Variants in GRIK5 observed in about 807,000 individuals in gnomAD.
GRIK5 encodes glutamate receptor ionotropic, kainate 5.
In GRIK5, 43 loss-of-function variants were observed where a neutral mutation model predicts 97.4. That is an observed-to-expected ratio of 0.44 (90% CI 0.35 to 0.57). The LOEUF (loss-of-function observed/expected upper bound fraction) is 0.57. Among genes scored for constraint, GRIK5 ranks in the 20% least tolerant of loss-of-function variants. The pLI, the probability that GRIK5 is intolerant of heterozygous loss-of-function variation, is 0.01. For missense variants in GRIK5, 1,015 were observed against 1,382.0 expected (o/e 0.73, Z 4.21); for synonymous variants, 580 against 583.5 (o/e 0.99, Z 0.09).
At chr19:42,055,118 A>G (rs1331944120) in intron 8 of GRIK5, among the ~76,000 whole-genome samples, 4 of 152,226 alleles carry the variant, frequency 2.6e-5, no homozygotes, top group Non-Finnish European at 5.9e-5. Context: ...ACGCCTGTAA[A>G]GCACTCAGAA....
rs1317903193 is a variant in GRIK5 at position 41,999,199 on chromosome 19, C to T, written c.2615G>A (p.Arg872Gln). Residue 872 changes from arginine to glutamine, a missense_variant, in exon 20 of 20, where the codon CGG (arginine) becomes CAG (glutamine). This residue lies in a region of GRIK5 where 229 missense variants were observed against 341.0 expected (regional missense o/e 0.67). Coordinates refer to ENST00000593562, the MANE Select transcript of GRIK5 (RefSeq NM_002088.5). The surrounding 1 kb of genome is among the most constrained non-coding windows in gnomAD (Gnocchi z 5.0). ...GACCGCGCGCAGTGACAGCAGGGCC[C>T]GGCTCGGGCCGCCCGGGCGTCGGCG... is the stretch of plus-strand genomic sequence containing the variant. The part of the protein sequence containing the change: ...RRRRRPGGPS[R>Q]ALLSLRAVRE... 3 of 1,517,166 alleles carry T rather than the reference C, an allele frequency of 2.0e-6. No individual in the cohort carries two copies. Among genetic ancestry groups the T allele is most frequent in the African/African-American group, 1.4e-5 (1 of 69,796 alleles). 94.0% of individuals were successfully genotyped at this position (1,517,166 alleles called of 1,614,324 possible). A position where few individuals can be genotyped will look rare whatever the true frequency, so the allele number is the denominator to read the frequency against.
intron 15 of GRIK5, among the ~76,000 whole-genome samples, chr19:42,013,478 C>T (rs2075589446): frequency 1.5e-5 from 2 of 136,788 alleles, no homozygotes; most frequent in South Asian, 4.5e-4. Context: ...GGGGCGATCT[C>T]GGCTCACTGC....
intron 12 of GRIK5, among the ~76,000 whole-genome samples, chr19:42,038,277 G>A (rs1599800163): frequency 6.6e-6 from 1 of 152,154 alleles, no homozygotes; most frequent in South Asian, 2.1e-4. Flanking sequence ...GCCACTGGGT[G>A]GAAAAAATGG....
chr19:42,042,292 TG>T lies in GRIK5; in HGVS notation c.1473+259del, dbSNP rs1166246201. On this transcript the variant is annotated intron_variant, in intron 12 of 19. Coordinates refer to ENST00000593562, the MANE Select transcript of GRIK5 (RefSeq NM_002088.5). The surrounding 1 kb of genome is among the most constrained non-coding windows in gnomAD (Gnocchi z 6.9). ...TCTTTGCACACCGACTAATCCAAGG[TG>T]GCATGAAAGGGGCATTTGGCAAAGC... is the stretch of plus-strand genomic sequence containing the variant. Among the ~76,000 whole-genome samples, 1 of 152,174 alleles carries T rather than the reference TG, an allele frequency of 6.6e-6. No individual in the cohort carries two copies. Among genetic ancestry groups the T allele is most frequent in the East Asian group, 1.9e-4 (1 of 5,188 alleles).
intron 15 of GRIK5, among the ~76,000 whole-genome samples, chr19:42,012,650 T>C (rs1425402918): frequency 6.6e-6 from 1 of 151,834 alleles, no homozygotes; most frequent in East Asian, 1.9e-4. Context: ...CCAAGGTGGG[T>C]GGATCGCTTG....
intron 15 of GRIK5, among the ~76,000 whole-genome samples, chr19:42,019,369 C>A (rs903089423): frequency 6.6e-6 from 1 of 152,174 alleles, no homozygotes; most frequent in Non-Finnish European, 1.5e-5. Context: ...CTCTGACTGC[C>A]CCCATGCTCT....
chr19:42,005,708 C>T lies in GRIK5; in HGVS notation c.2263+15G>A, dbSNP rs202028247. ...CCCACGGCCCTGCTGTGTTCCACAC[C>T]GTGCTGTGCCGTACCCAGCGGCATG... On this transcript the variant is annotated intron_variant, in intron 17 of 19. Coordinates refer to ENST00000593562, the MANE Select transcript of GRIK5 (RefSeq NM_002088.5). 3.8e-4 allele frequency: 594 copies of T among 1,574,862 alleles called. 3 individuals are homozygous for T. In the African/African-American group the frequency reaches 7.2e-3, roughly 19 times the overall value.
At chr19:42,028,006 A>AT (rs2075792766) in intron 12 of GRIK5, among the ~76,000 whole-genome samples, 1 of 151,640 alleles carries the variant, frequency 6.6e-6, no homozygotes, top group African/African-American at 2.4e-5. Flanking sequence ...TAATTTTTTC[A>AT]TTTTTTGTAG....
intron 15 of GRIK5, among the ~76,000 whole-genome samples, chr19:42,012,872 A>G (rs1568887133): frequency 6.6e-6 from 1 of 152,058 alleles, no homozygotes; most frequent in Non-Finnish European, 1.5e-5. Context: ...GCCTCAAAAA[A>G]AAAAAAAAGG....
At position 42,006,068 on chromosome 19, in the gene GRIK5, G is replaced by C; in HGVS notation, c.2038-120C>G. 1 of 660,668 alleles carries C rather than the reference G, an allele frequency of 1.5e-6. No individual in the cohort carries two copies. Among genetic ancestry groups the C allele is most frequent in the East Asian group, 2.7e-5 (1 of 36,720 alleles). The allele number at this position is 660,668 out of a possible 1,614,324, so 40.9% of individuals were successfully genotyped here. ...CCAGGAGAATGCAAGGTGATCAAAG[G>C]AAGACAGAGCCAAAGGTAGAGGAGA... is the stretch of plus-strand genomic sequence containing the variant. On this transcript the variant is annotated intron_variant, in intron 16 of 19. Coordinates refer to ENST00000593562, the MANE Select transcript of GRIK5 (RefSeq NM_002088.5). The surrounding 1 kb of genome is among the most constrained non-coding windows in gnomAD (Gnocchi z 5.3).
chr19:42,028,128 T>C (rs2146070685), intron 12 of GRIK5, among the ~76,000 whole-genome samples: 1 of 152,272 alleles, frequency 6.6e-6, no homozygotes, highest in Non-Finnish European at 1.5e-5. Context: ...CCACCATGCA[T>C]GGTAAAAGAC....
Position 42,002,784 on chromosome 19 carries a change from G to A in GRIK5, c.2514+548C>T, listed in dbSNP as rs1008118621. ...TCTGGTTCCCTCTGTCACCCAGGCT[G>A]GAGTGCAGTGGTGCAATCTCAGCTT... On this transcript the variant is annotated intron_variant, in intron 19 of 19. Transcript: ENST00000593562. The surrounding 1 kb of genome is among the most constrained non-coding windows in gnomAD (Gnocchi z 5.2). Among the ~76,000 whole-genome samples the A allele has an allele frequency of 5.7e-4, 86 of 152,150 alleles. No individual in the cohort carries two copies. The highest frequency in any genetic ancestry group is 2.0e-3 in the African/African-American group (83 of 41,430).
intron 11 of GRIK5, among the ~76,000 whole-genome samples, chr19:42,046,341 C>T (rs1270046957): frequency 6.6e-6 from 1 of 152,146 alleles, no homozygotes; most frequent in Non-Finnish European, 1.5e-5. Flanking sequence ...TAGGACTCAA[C>T]TTAGAGTCAC....
At chr19:42,053,797 G>A in intron 10 of GRIK5, 28 bp downstream of exon 10, 1 of 1,570,952 alleles carries the variant, frequency 6.4e-7, no homozygotes, top group Non-Finnish European at 8.8e-7. Flanking sequence ...CCCCAGCAGG[G>A]CTCTGGCGTC....
rs764169683 is a variant in GRIK5 at position 42,065,718 on chromosome 19, C to A, written c.53G>T (p.Cys18Phe). ...LLIVAFASPS[C>F]QVLSSLRMAA... Reference sequence around the variant, plus strand: ...CATGCGCAGTGATGAGAGCACCTGGCAGCTGGGGCTGGCGAAGGCAACAAT... The same window carrying A: ...CATGCGCAGTGATGAGAGCACCTGGAAGCTGGGGCTGGCGAAGGCAACAAT... Residue 18 changes from cysteine (C) to phenylalanine (F), a missense_variant, in exon 2 of 20, where the codon TGC (cysteine) becomes TTC (phenylalanine). Coordinates refer to ENST00000593562, the MANE Select transcript of GRIK5 (RefSeq NM_002088.5). This position sits in a 1 kb window ranked among gnomAD's most constrained non-coding sequence, Gnocchi z 5.8. 6.3e-7 allele frequency: 1 copy of A among 1,596,626 alleles called. No individual in the cohort carries two copies. Among genetic ancestry groups the A allele is most frequent in the South Asian group, 1.1e-5 (1 of 88,110 alleles).
chr19:42,013,646 G>A (rs938742583), intron 15 of GRIK5, among the ~76,000 whole-genome samples: 75 of 152,050 alleles, frequency 4.9e-4, no homozygotes, highest in Admixed American at 4.8e-3. Flanking sequence ...CTCTGACCTC[G>A]TGATCCGCCC....
intron 3 of GRIK5, chr19:42,063,601 G>C: frequency 3.3e-6 from 1 of 307,648 alleles, no homozygotes; most frequent in Non-Finnish European, 6.4e-6. Context: ...AATTATCACT[G>C]GGTTTGCTAA....
rs782275169 is a variant in GRIK5 at position 42,003,530 on chromosome 19, G to A, written c.2392+25C>T. 1.2e-6 allele frequency: 2 copies of A among 1,606,428 alleles called. No individual in the cohort carries two copies. The highest frequency in any genetic ancestry group is 8.5e-7 in the Non-Finnish European group (1 of 1,175,042). On this transcript the variant is annotated intron_variant, in intron 18 of 19. Transcript: ENST00000593562. The surrounding 1 kb of genome is among the most constrained non-coding windows in gnomAD (Gnocchi z 4.2). The stretch of plus-strand genomic sequence containing the variant: ...GGGGGCTGGGAGGGGGCTATGGGAA[G>A]GGGACACCATACGCGGGAACTGACC...
chr19:42,062,665 G>A lies in GRIK5; in HGVS notation c.343-12C>T. 1 of 1,613,936 alleles carries A rather than the reference G, an allele frequency of 6.2e-7. No homozygotes were observed. Among genetic ancestry groups the A allele is most frequent in the Non-Finnish European group, 8.5e-7 (1 of 1,179,844 alleles). ...TTGATGTGGGGGATCTGGACAGAGA[G>A]GAAACTTTGGCCTCCATCCTGCTTC... On this transcript the variant is annotated splice_polypyrimidine_tract_variant and intron_variant, in intron 4 of 19. Transcript: ENST00000593562. This position sits in a 1 kb window ranked among gnomAD's most constrained non-coding sequence, Gnocchi z 5.3.
Sources: allele counts gnomAD v4.1 joint callset (sites outside exome capture counted in the v4.1 genomes callset), GRCh38; gene constraint gnomAD v4.1.1; regional missense constraint gnomAD v4.1.1; non-coding constraint Gnocchi (gnomAD v3.1); transcripts MANE v1.5; gene names NCBI Gene and HGNC (gene_info 2026-07-23, HGNC 2026-07-21).